CHM: variants seen among roughly 807,000 people sequenced by gnomAD.
CHM encodes CHM Rab escort protein, also known as rab proteins geranylgeranyltransferase component A 1.
CHM carries 10 observed loss-of-function variants against 49.0 expected under a neutral mutation model. That is an observed-to-expected ratio of 0.20 (90% CI 0.13 to 0.35). CHM has a LOEUF of 0.35. CHM is among the 10% of genes least tolerant of loss of function. The pLI is 1.00. For missense variants in CHM, 455 were observed against 478.4 expected, an observed-to-expected ratio of 0.95 and a Z score of 0.46; for synonymous variants, 184 against 167.5, an observed-to-expected ratio of 1.10 and a Z score of -0.76.
chrX:85,906,182 T>C (rs925749564), intron 9 of CHM, among the ~76,000 whole-genome samples: 2 of 112,212 alleles, frequency 1.8e-5, no homozygotes, highest in African/African-American at 6.5e-5. Flanking sequence ...ACAGAATCTC[T>C]GATTTAGGAG....
intron 2 of CHM, among the ~76,000 whole-genome samples, chrX:86,005,261 G>A (rs917708980): frequency 8.9e-6 from 1 of 112,129 alleles, no homozygotes; most frequent in Non-Finnish European, 1.9e-5. Flanking sequence ...CACATTCAAA[G>A]CAGTGTGCAG....
chrX:86,037,209 C>A (rs927477343), intron 1 of CHM, among the ~76,000 whole-genome samples: 4 of 105,215 alleles, frequency 3.8e-5, no homozygotes, highest in African/African-American at 1.4e-4. Flanking sequence ...CTCCGCCTCC[C>A]GGGTTCAAGC....
At chrX:85,938,318 C>T (rs1437708246) in intron 8 of CHM, among the ~76,000 whole-genome samples, 1 of 111,834 alleles carries the variant, frequency 8.9e-6, no homozygotes, top group Non-Finnish European at 1.9e-5. Flanking sequence ...AAACTATCAA[C>T]TAGAGAGGAA....
At chrX:85,977,108 A>G (rs1472545724) in intron 4 of CHM, among the ~76,000 whole-genome samples, 1 of 111,718 alleles carries the variant, frequency 9.0e-6, no homozygotes, top group Non-Finnish European at 1.9e-5. Flanking sequence ...GCTAAGTGAG[A>G]TATTGTTAGT....
intron 8 of CHM, among the ~76,000 whole-genome samples, chrX:85,923,402 T>C (rs890212775): frequency 3.6e-5 from 4 of 112,307 alleles, no homozygotes; most frequent in Non-Finnish European, 7.5e-5. Context: ...ATTGCTCTTA[T>C]TGACTGTGTG....
chrX:85,934,149 T>C (rs1928616994), intron 8 of CHM, among the ~76,000 whole-genome samples: 1 of 109,088 alleles, frequency 9.2e-6, no homozygotes, highest in African/African-American at 3.3e-5. Flanking sequence ...CCAGTTTAAT[T>C]TTTTGTATTT....
At chrX:85,955,364 T>C (rs1163067310) in intron 8 of CHM, among the ~76,000 whole-genome samples, 1 of 111,451 alleles carries the variant, frequency 9.0e-6, no homozygotes, top group African/African-American at 3.3e-5. Context: ...CACAAACACA[T>C]ATGCCTCCTA....
Position 85,870,412 on chromosome X carries a change from A to G in CHM, c.1770+2640T>C, listed in dbSNP as rs781524102. Among the ~76,000 whole-genome samples the G allele has an allele frequency of 3.6e-5, 4 of 112,362 alleles. No homozygotes were observed. The East Asian group carries it at 1.1e-3, about 31-fold the overall frequency. ...AGCTCTCAACTTAATAATGGGCTGTATATCAAACGTCGTAAGTGACTGGCT... is the reference window on the plus strand; with the variant it reads ...AGCTCTCAACTTAATAATGGGCTGTGTATCAAACGTCGTAAGTGACTGGCT... On this transcript the variant is annotated intron_variant, in intron 14 of 14. Transcript: ENST00000357749.
chrX:85,883,179 ACT>A (rs1924865972), intron 12 of CHM, among the ~76,000 whole-genome samples: 1 of 111,472 alleles, frequency 9.0e-6, no homozygotes, highest in African/African-American at 3.3e-5. Context: ...GCAGTCATTC[ACT>A]CTATACAAGC....
chrX:86,032,680 C>T (rs192421238), intron 1 of CHM, among the ~76,000 whole-genome samples: 2 of 112,075 alleles, frequency 1.8e-5, no homozygotes, highest in Admixed American at 1.9e-4. Flanking sequence ...TTGTACCAAA[C>T]AACTTGCTCT....
At chrX:86,007,246 T>C (rs1603277224) in intron 2 of CHM, among the ~76,000 whole-genome samples, 1 of 112,105 alleles carries the variant, frequency 8.9e-6, no homozygotes. Flanking sequence ...TTACGCCTTA[T>C]ACAAAAATTA....
chrX:85,955,060 G>A (rs1195699957), intron 8 of CHM, among the ~76,000 whole-genome samples: 7 of 111,358 alleles, frequency 6.3e-5, no homozygotes, highest in Admixed American at 9.6e-5. Flanking sequence ...TTAAACATAT[G>A]GAGACAGAGA....
At chrX:86,014,932 G>C (rs1253428610) in intron 2 of CHM, among the ~76,000 whole-genome samples, 1 of 111,388 alleles carries the variant, frequency 9.0e-6, no homozygotes, top group Non-Finnish European at 1.9e-5. Flanking sequence ...AAAAAAATAA[G>C]GATTATAAAG....
chrX:85,897,000 TATA>T (rs1328213228), intron 11 of CHM, among the ~76,000 whole-genome samples: 1 of 95,881 alleles, frequency 1.0e-5, no homozygotes, highest in Admixed American at 1.3e-4. Flanking sequence ...ATATTAATTA[TATA>T]ATACATATAA....
intron 12 of CHM, among the ~76,000 whole-genome samples, chrX:85,889,525 C>A (rs758833295): frequency 9.0e-6 from 1 of 111,608 alleles, no homozygotes; most frequent in Non-Finnish European, 1.9e-5. Context: ...CCAGTCAGAA[C>A]GGCTATTATT....
chrX:85,877,935 G>C (rs1924515237), intron 13 of CHM, among the ~76,000 whole-genome samples: 1 of 111,370 alleles, frequency 9.0e-6, no homozygotes, highest in Admixed American at 9.6e-5. Flanking sequence ...TAAATCAATG[G>C]AAGAAAATGA....
At chrX:85,875,193 A>C (rs949187193) in intron 13 of CHM, among the ~76,000 whole-genome samples, 4 of 112,039 alleles carry the variant, frequency 3.6e-5, no homozygotes, top group African/African-American at 1.3e-4. Context: ...CTTTGACCTT[A>C]AAACTTTAAA....
intron 1 of CHM, among the ~76,000 whole-genome samples, chrX:86,041,786 C>T (rs1220601389): frequency 1.0e-5 from 1 of 97,908 alleles, no homozygotes. Context: ...CAACATTCAT[C>T]CTTACTACAT....
At chrX:85,950,336 T>TGAATA (rs770436195) in intron 8 of CHM, among the ~76,000 whole-genome samples, 23,683 of 107,301 alleles carry the variant, frequency 0.22, 2,074 homozygotes, top group Middle Eastern at 0.25. Flanking sequence ...ATATATGAAA[T>TGAATA]GAATAAATAA....
Sources: gnomAD v4.1 joint callset for allele counts (sites outside exome capture counted in the v4.1 genomes callset) on GRCh38, gnomAD v4.1.1 for gene constraint, MANE v1.5 for transcripts, NCBI Gene and HGNC (gene_info 2026-07-23, HGNC 2026-07-21) for gene names.